The following RGMB variants were observed in gnomAD, a reference collection of about 807,000 sequenced individuals.
RGMB encodes the protein repulsive guidance molecule BMP co-receptor b, also known as repulsive guidance molecule B.
A neutral mutation model predicts 26.9 loss-of-function variants in RGMB; 16 were observed. The observed-to-expected ratio is 0.60, with a 90% CI of 0.40 to 0.90. The LOEUF (loss-of-function observed/expected upper bound fraction) is 0.90, where lower values mean the gene tolerates loss of function less well. Ranked by LOEUF, RGMB falls within the 40% of genes least tolerant of loss-of-function variation. The pLI is 0.00. For synonymous variants in RGMB, 225 were observed against 229.3 expected (o/e 0.98, Z 0.17); for missense variants, 512 against 573.3 (o/e 0.89, Z 1.09).
chr5:98,781,433 AT>A (rs1206572348), intron 2 of RGMB, among the ~76,000 whole-genome samples: 3 of 152,178 alleles, frequency 2.0e-5, no homozygotes, highest in South Asian at 2.1e-4. Flanking sequence ...TACTCAAATC[AT>A]TTTTTTATAA....
In RGMB at chr5:98,793,304, C is replaced by T. The variant is rs1466668530; in HGVS notation, c.865C>T (p.Leu289=). ...TVFVRQVGRY[L]TLAIRMPEDL... ...GTTTGTGCGGCAGGTGGGTCGCTAC[C>T]TGACCCTTGCCATCCGTATGCCTGA... is the stretch of plus-strand genomic sequence containing the variant. Residue 289 remains leucine, a synonymous_variant, in exon 3 of 3, where the codon CTG becomes TTG. Transcript: ENST00000513185. 1 of 1,613,822 alleles carries T rather than the reference C, an allele frequency of 6.2e-7. No individual in the cohort carries two copies. The highest frequency in any genetic ancestry group is 1.1e-5 in the South Asian group (1 of 91,046).
rs1746268297 is a variant in RGMB, at chr5:98,773,793, C to T, written c.-278C>T. 3 of 427,972 alleles carry T rather than the reference C, an allele frequency of 7.0e-6. No homozygotes were observed. The highest frequency in any genetic ancestry group is 1.2e-5 in the Non-Finnish European group (3 of 245,146). 26.5% of individuals were successfully genotyped at this position (427,972 alleles called of 1,614,324 possible). On this transcript the variant is annotated 5_prime_UTR_variant, in exon 1 of 3. Coordinates refer to ENST00000513185, the MANE Select transcript of RGMB (RefSeq NM_001366508.1). ...CTCGGGACTCGTCTCAGCAGTCGCT[C>T]ACGGTCTTTGTGTCTTCTCTTCCGC...
At position 98,793,459 on chromosome 5, in the gene RGMB, C is replaced by T; in HGVS notation, c.1020C>T (p.Thr340=). The T allele has an allele frequency of 2.5e-6, 4 of 1,612,886 alleles. No homozygotes were observed. The South Asian group carries it at 4.4e-5, about 18-fold the overall frequency. ...SAILGHSLPR[T]SLVQAWPGYT... ...TCCTGGGACACAGCCTGCCTCGCAC[C>T]TCCTTGGTGCAGGCCTGGCCTGGCT... Residue 340 remains threonine (T), a synonymous_variant, in exon 3 of 3, where the codon ACC becomes ACT. Transcript: ENST00000513185.
chr5:98,776,775 C>T (rs2112343383), intron 1 of RGMB, among the ~76,000 whole-genome samples: 1 of 152,332 alleles, frequency 6.6e-6, no homozygotes, highest in South Asian at 2.1e-4. Context: ...GCAGTCAGCA[C>T]CTACCTGCTA....
intron 2 of RGMB, among the ~76,000 whole-genome samples, chr5:98,789,011 C>T (rs1361179152): frequency 6.6e-6 from 1 of 152,180 alleles, no homozygotes; most frequent in Non-Finnish European, 1.5e-5. Flanking sequence ...TATTTTTCAA[C>T]CTATCATTGC....
chr5:98,782,941 G>A (rs1746654098), intron 2 of RGMB, among the ~76,000 whole-genome samples: 1 of 152,166 alleles, frequency 6.6e-6, no homozygotes, highest in African/African-American at 2.4e-5. Context: ...TATTAGCTAA[G>A]CCTTTTCTTT....
rs1474681879 is a variant in RGMB at position 98,779,718 on chromosome 5, C to G, written c.275C>G (p.Thr92Ser). 3 of 1,612,630 alleles carry G rather than the reference C, an allele frequency of 1.9e-6. No individual in the cohort carries two copies. In the Admixed American group the frequency reaches 5.0e-5, roughly 27 times the overall value. ...CKALRAYAGC[T>S]QRTSKACRGN... ...GCCTTGCGTGCCTATGCTGGCTGCACCCAGCGAACTTCAAAAGCCTGCCGT... is the reference window on the plus strand; with the variant it reads ...GCCTTGCGTGCCTATGCTGGCTGCAGCCAGCGAACTTCAAAAGCCTGCCGT... Residue 92 changes from threonine to serine, a missense_variant, in exon 2 of 3, where the codon ACC (threonine) becomes AGC (serine). Coordinates refer to ENST00000513185, the MANE Select transcript of RGMB (RefSeq NM_001366508.1).
upstream of RGMB, chr5:98,770,489 G>C (rs1746118954): frequency 2.2e-6 from 1 of 463,748 alleles, no homozygotes; most frequent in South Asian, 1.2e-4. Flanking sequence ...AGGGATTGCG[G>C]GGGCCCGTTG....
chr5:98,791,496 G>GA (rs1418997472), intron 2 of RGMB, among the ~76,000 whole-genome samples: 2 of 152,026 alleles, frequency 1.3e-5, no homozygotes, highest in Non-Finnish European at 2.9e-5. Flanking sequence ...CAGGCGGGGG[G>GA]AGGGGGGTGC....
intron 2 of RGMB, among the ~76,000 whole-genome samples, chr5:98,783,590 A>T (rs1347778955): frequency 6.6e-6 from 1 of 152,208 alleles, no homozygotes. Context: ...CCAACCTCTC[A>T]GTCTCAACTC....
At chr5:98,780,281 C>G (rs1746554657) in intron 2 of RGMB, 193 bp downstream of exon 2, 1 of 550,846 alleles carries the variant, frequency 1.8e-6, no homozygotes, top group African/African-American at 1.9e-5. Context: ...AAACGTGGTT[C>G]TAATTTTAAA....
chr5:98,784,174 G>A (rs1037957090), intron 2 of RGMB, among the ~76,000 whole-genome samples: 3 of 152,184 alleles, frequency 2.0e-5, no homozygotes, highest in Non-Finnish European at 4.4e-5. Flanking sequence ...ATGCTCTGAG[G>A]TGCCTATCTT....
rs1353140760 is a variant in RGMB, at chr5:98,793,281, T to C, written c.842T>C (p.Phe281Ser). 6.2e-7 allele frequency: 1 copy of C among 1,613,828 alleles called. No homozygotes were observed. Among genetic ancestry groups the C allele is most frequent in the Non-Finnish European group, 8.5e-7 (1 of 1,179,864 alleles). ...GCCCGCTATATAGGGACCACAGTGTTTGTGCGGCAGGTGGGTCGCTACCTG... is the reference window on the plus strand; with the variant it reads ...GCCCGCTATATAGGGACCACAGTGTCTGTGCGGCAGGTGGGTCGCTACCTG... The part of the protein sequence containing the change: ...MHARYIGTTV[F>S]VRQVGRYLTL... Residue 281 changes from phenylalanine (F) to serine (S), a missense_variant, in exon 3 of 3, where the codon TTT becomes TCT. Physicochemically the swap from Phe to Ser is radical, Grantham distance 155. Transcript: ENST00000513185.
rs969161523 is a variant in RGMB, at chr5:98,779,896, G to A, written c.453G>A (p.Arg151=). 5 of 1,613,982 alleles carry A rather than the reference G, an allele frequency of 3.1e-6. No homozygotes were observed. In the Admixed American group the frequency reaches 6.7e-5, roughly 22 times the overall value. ...YHSHAGAREH[R]RGDQNPPSYL... Reference sequence around the variant, plus strand: ...GCCACGCTGGAGCCAGGGAACACAGGAGAGGGGACCAGAACCCTCCCAGTT... The same window carrying A: ...GCCACGCTGGAGCCAGGGAACACAGAAGAGGGGACCAGAACCCTCCCAGTT... The change falls in exon 2 of 3, where the codon AGG becomes AGA. Residue 151 remains arginine (R), a synonymous_variant. Transcript: ENST00000513185.
intron 2 of RGMB, among the ~76,000 whole-genome samples, chr5:98,789,508 A>G (rs1481941172): frequency 6.6e-6 from 1 of 151,242 alleles, no homozygotes; most frequent in Non-Finnish European, 1.5e-5. Flanking sequence ...TGGAAAGGAG[A>G]GGCAGGTGCC....
At chr5:98,780,439 C>T (rs1746561206) in intron 2 of RGMB, 1 of 176,730 alleles carries the variant, frequency 5.7e-6, no homozygotes, top group Non-Finnish European at 1.2e-5. Flanking sequence ...AATCCATGTT[C>T]AGATTTATCA....
chr5:98,776,119 G>A (rs542744955), intron 1 of RGMB, among the ~76,000 whole-genome samples: 2 of 152,284 alleles, frequency 1.3e-5, no homozygotes, highest in East Asian at 3.9e-4. Context: ...AGATTCACAC[G>A]TGTAGTCCTG....
In RGMB at chr5:98,782,802, A is replaced by G. The variant is rs1052331615; in HGVS notation, c.645+2714A>G. ...TCCTGGGAACCTGGCCTCTTGAGCA[A>G]GCCGTCTTCAAGCCCAACTTTGTGA... On this transcript the variant is annotated intron_variant, in intron 2 of 2. Coordinates refer to ENST00000513185, the MANE Select transcript of RGMB (RefSeq NM_001366508.1). 4.9e-4 allele frequency among the ~76,000 whole-genome samples: 74 copies of G among 152,208 alleles called. 1 individual carries two copies. The highest frequency in any genetic ancestry group is 4.8e-3 in the Admixed American group (74 of 15,284).
chr5:98,777,625 A>G (rs1385522138), intron 1 of RGMB, among the ~76,000 whole-genome samples: 1 of 152,226 alleles, frequency 6.6e-6, no homozygotes, highest in Non-Finnish European at 1.5e-5. Flanking sequence ...TCCCATCTGC[A>G]AAATGGCTTT....
Sources: allele counts gnomAD v4.1 joint callset (sites outside exome capture counted in the v4.1 genomes callset), GRCh38; gene constraint gnomAD v4.1.1; transcripts MANE v1.5; gene names NCBI Gene and HGNC (gene_info 2026-07-23, HGNC 2026-07-21).